LGR4: variants seen among roughly 807,000 people sequenced by gnomAD.
LGR4 encodes leucine rich repeat containing G protein-coupled receptor 4, also known as leucine-rich repeat-containing G protein-coupled receptor 4.
LGR4 carries 44 observed loss-of-function variants against 84.8 expected under a neutral mutation model. That is an observed-to-expected ratio of 0.52 (90% CI 0.41 to 0.67). LGR4 has a LOEUF of 0.67. Among genes scored for constraint, LGR4 ranks in the 30% least tolerant of loss-of-function variants. The pLI is 0.00. For synonymous variants in LGR4, 429 were observed against 434.3 expected, an observed-to-expected ratio of 0.99 and a Z score of 0.15; for missense variants, 1,032 against 1,131.4, an observed-to-expected ratio of 0.91 and a Z score of 1.26.
intron 1 of LGR4, among the ~76,000 whole-genome samples, chr11:27,462,557 C>T (rs1255603692): frequency 2.6e-5 from 4 of 152,112 alleles, no homozygotes; most frequent in Non-Finnish European, 5.9e-5. Context: ...CAGTGGCTCA[C>T]CTGTGAAGTC....
At chr11:27,390,988 C>T (rs12273521) in intron 4 of LGR4, 106 bp downstream of exon 4, 612,111 of 694,124 alleles carry the variant, frequency 0.88, 272,825 homozygotes, top group South Asian at 0.95. Context: ...CTGTTTTTAT[C>T]TCAGATGAAA....
At chr11:27,393,856 T>C (rs11029992) in intron 2 of LGR4, among the ~76,000 whole-genome samples, 41,372 of 146,402 alleles carry the variant, frequency 0.28, 5,983 homozygotes, top group Non-Finnish European at 0.32. Context: ...TGAAGTGGTG[T>C]TCCAGTTACT....
chr11:27,389,913 T>C (rs1322953535), intron 4 of LGR4, among the ~76,000 whole-genome samples: 1 of 152,164 alleles, frequency 6.6e-6, no homozygotes, highest in African/African-American at 2.4e-5. Flanking sequence ...TTATGTTCCA[T>C]AACTTACCAT....
intron 4 of LGR4, among the ~76,000 whole-genome samples, chr11:27,388,675 T>A (rs1863230559): frequency 6.6e-6 from 1 of 152,152 alleles, no homozygotes; most frequent in African/African-American, 2.4e-5. Context: ...TAATATTAAA[T>A]GCAGATATTT....
At position 27,372,292 on chromosome 11, in the gene LGR4, G is replaced by A. The variant is rs1862899004; in HGVS notation, c.1486C>T (p.Gln496Ter). Residue 496 changes from glutamine to a stop codon, truncating the protein, a stop_gained, in exon 16 of 18, where the codon CAG becomes TAG. Coordinates refer to ENST00000379214, the MANE Select transcript of LGR4 (RefSeq NM_018490.5). LOFTEE classifies it high-confidence loss of function. ...DNSLQDHSVA[Q>*]EKGTADAANV... ...AAACTCATGCACTTGCCTTTCTCCT[G>A]TGCCACACTGTGGTCCTGGAGGCTG... 6.2e-7 allele frequency: 1 copy of A among 1,604,280 alleles called. No homozygotes were observed. The highest frequency in any genetic ancestry group is 8.5e-7 in the Non-Finnish European group (1 of 1,171,240).
intron 1 of LGR4, among the ~76,000 whole-genome samples, chr11:27,430,439 G>GCA (rs1222628377): frequency 6.6e-6 from 1 of 152,170 alleles, no homozygotes; most frequent in African/African-American, 2.4e-5. Flanking sequence ...GGAGGTGGAG[G>GCA]CACAGACACT....
chr11:27,381,443 C>A (rs1227340881), intron 7 of LGR4, among the ~76,000 whole-genome samples: 2 of 152,180 alleles, frequency 1.3e-5, no homozygotes, highest in African/African-American at 4.8e-5. Flanking sequence ...GCCTGTAATC[C>A]CAGCATTCTG....
At chr11:27,438,644 A>AAT (rs1864251364) in intron 1 of LGR4, among the ~76,000 whole-genome samples, 1 of 151,944 alleles carries the variant, frequency 6.6e-6, no homozygotes, top group Non-Finnish European at 1.5e-5. Context: ...TGCACTCCTT[A>AAT]ATATGGGTGG....
At chr11:27,465,396 G>A (rs376860974) in intron 1 of LGR4, among the ~76,000 whole-genome samples, 12 of 152,232 alleles carry the variant, frequency 7.9e-5, no homozygotes, top group South Asian at 4.2e-4. Flanking sequence ...ATTAAAATAC[G>A]TAATGGTATG....
At chr11:27,459,815 G>A (rs945994640) in intron 1 of LGR4, among the ~76,000 whole-genome samples, 9 of 151,694 alleles carry the variant, frequency 5.9e-5, no homozygotes, top group Non-Finnish European at 1.2e-4. Flanking sequence ...GAGAGTCTGG[G>A]TGCAATGGCT....
chr11:27,405,719 C>T (rs1863594179), intron 2 of LGR4, among the ~76,000 whole-genome samples: 1 of 152,160 alleles, frequency 6.6e-6, no homozygotes, highest in African/African-American at 2.4e-5. Context: ...CCAGCCAAGA[C>T]ATTCTCTTGA....
intron 1 of LGR4, among the ~76,000 whole-genome samples, chr11:27,413,757 T>C (rs1863757398): frequency 6.6e-6 from 1 of 152,114 alleles, no homozygotes; most frequent in African/African-American, 2.4e-5. Flanking sequence ...TGTCCATTAG[T>C]ATAGTACATA....
At chr11:27,398,029 T>C (rs551801026) in intron 2 of LGR4, among the ~76,000 whole-genome samples, 3 of 152,358 alleles carry the variant, frequency 2.0e-5, no homozygotes, top group Non-Finnish European at 1.5e-5. Context: ...GCAATGTCTC[T>C]ATGAATCTCT....
At chr11:27,413,147 G>A (rs1590373615) in intron 1 of LGR4, among the ~76,000 whole-genome samples, 1 of 151,982 alleles carries the variant, frequency 6.6e-6, no homozygotes, top group South Asian at 2.1e-4. Context: ...AGTGGGCCAG[G>A]GTGGCTTCCC....
chr11:27,413,084 G>A (rs1420737523), intron 1 of LGR4, among the ~76,000 whole-genome samples: 2 of 152,082 alleles, frequency 1.3e-5, no homozygotes, highest in African/African-American at 2.4e-5. Flanking sequence ...CTCAGATCCT[G>A]TATTTTCCCC....
chr11:27,455,422 G>T (rs1184704848), intron 1 of LGR4, among the ~76,000 whole-genome samples: 1 of 152,162 alleles, frequency 6.6e-6, no homozygotes, highest in Non-Finnish European at 1.5e-5. Flanking sequence ...TATGATTTAT[G>T]TGACTGAAAA....
intron 1 of LGR4, among the ~76,000 whole-genome samples, chr11:27,418,953 G>C (rs554341481): frequency 1.3e-5 from 2 of 150,840 alleles, no homozygotes; most frequent in African/African-American, 4.9e-5. Flanking sequence ...TCCCACCTCA[G>C]CTTCCCAAGT....
intron 1 of LGR4, among the ~76,000 whole-genome samples, chr11:27,451,229 T>C (rs555244955): frequency 1.1e-4 from 17 of 152,248 alleles, no homozygotes; most frequent in East Asian, 3.9e-4. Context: ...ACCATTTAGT[T>C]TGGAACCATA....
chr11:27,460,672 T>A (rs1160343547), intron 1 of LGR4, among the ~76,000 whole-genome samples: 2 of 152,232 alleles, frequency 1.3e-5, no homozygotes, highest in Non-Finnish European at 2.9e-5. Context: ...GTGCACAGAT[T>A]TGCCAACCTA....
Sources: allele counts gnomAD v4.1 joint callset (sites outside exome capture counted in the v4.1 genomes callset), GRCh38; gene constraint gnomAD v4.1.1; transcripts MANE v1.5; gene names NCBI Gene and HGNC (gene_info 2026-07-23, HGNC 2026-07-21).